CFB: variants seen among roughly 807,000 people sequenced by gnomAD.
CFB encodes B-factor, properdin.
Under a neutral mutation model 97.2 loss-of-function variants are expected in CFB, and 59 were observed. That is an observed-to-expected ratio of 0.61 (90% CI 0.49 to 0.75). The LOEUF is 0.75. Among genes scored for constraint, CFB ranks in the 30% least tolerant of loss-of-function variants. The pLI is 0.00. For synonymous variants in CFB, 316 were observed against 351.7 expected (o/e 0.90, Z 1.14); for missense variants, 771 against 959.8 (o/e 0.80, Z 2.60).
chr6:31,946,940 C>T lies in CFB; in HGVS notation c.299-67C>T, dbSNP rs1771460138. ...TTTCTCAGTGACATGGTCTCCGAGA[C>T]CAGGAGGGATACACCTAAGGCAGCC... On this transcript the variant is annotated intron_variant, in intron 2 of 17. Coordinates refer to ENST00000425368, the MANE Select transcript of CFB (RefSeq NM_001710.6). The surrounding 1 kb of genome is among the most constrained non-coding windows in gnomAD (Gnocchi z 6.4). 7 of 1,537,840 alleles carry T rather than the reference C, an allele frequency of 4.6e-6. 2 individuals are homozygous for T. In the South Asian group the frequency reaches 5.6e-5, roughly 12 times the overall value.
rs762016382 is a variant in CFB, at chr6:31,950,104, C to T, written c.1463C>T (p.Thr488Ile). ...CGMVWEHRKG[T>I]DYHKQPWQAK... ...ATGGTTTGGGAACACAGGAAGGGTA[C>T]CGATTACCACAAGCAACCATGGCAG... The change falls in exon 11 of 18, where the codon ACC (threonine) becomes ATC (isoleucine). Residue 488 changes from threonine (T) to isoleucine (I), a missense_variant. Physicochemically the swap from Thr to Ile is moderately conservative, Grantham distance 89. Transcript: ENST00000425368. 1 of 1,613,036 alleles carries T rather than the reference C, an allele frequency of 6.2e-7. No homozygotes were observed.
chr6:31,949,037 A>T (rs924905290), intron 8 of CFB, 76 bp downstream of exon 8: 6 of 1,601,664 alleles, frequency 3.7e-6, no homozygotes, highest in Non-Finnish European at 5.1e-6. Context: ...TCCACTTGTA[A>T]CACTATACCC....
In CFB at chr6:31,951,552, C is replaced by T. The variant is rs759339248; in HGVS notation, c.2090-3C>T. 1 of 1,614,202 alleles carries T rather than the reference C, an allele frequency of 6.2e-7. No homozygotes were observed. The highest frequency in any genetic ancestry group is 1.1e-5 in the South Asian group (1 of 91,080). ...TTCTCTACAGCTTCTCCTCTCCTTGCAGGTGATTCTGGCGGCCCCTTGATA... is the reference window on the plus strand; with the variant it reads ...TTCTCTACAGCTTCTCCTCTCCTTGTAGGTGATTCTGGCGGCCCCTTGATA... On this transcript the variant is annotated splice_region_variant and splice_polypyrimidine_tract_variant and intron_variant, in intron 16 of 17. Coordinates refer to ENST00000425368, the MANE Select transcript of CFB (RefSeq NM_001710.6). This position sits in a 1 kb window ranked among gnomAD's most constrained non-coding sequence, Gnocchi z 4.3.
chr6:31,951,782 C>T lies in CFB; in HGVS notation c.2140-93C>T. ...GCTGAGCTGGGTCCCTAGTCTGATT[C>T]CTTTAGGTCAGCTAAGACACAAGCA... On this transcript the variant is annotated intron_variant, in intron 17 of 17. Coordinates refer to ENST00000425368, the MANE Select transcript of CFB (RefSeq NM_001710.6). The surrounding 1 kb of genome is among the most constrained non-coding windows in gnomAD (Gnocchi z 4.3). 1 of 1,600,148 alleles carries T rather than the reference C, an allele frequency of 6.2e-7. No individual in the cohort carries two copies. Among genetic ancestry groups the T allele is most frequent in the Non-Finnish European group, 8.6e-7 (1 of 1,168,534 alleles).
intron 7 of CFB, 148 bp from the exon 8 acceptor site, chr6:31,948,682 G>A: frequency 2.0e-6 from 3 of 1,503,882 alleles, no homozygotes; most frequent in Non-Finnish European, 2.7e-6. Flanking sequence ...GGGGCTGGAA[G>A]GGCCACTTTG....
rs548679597 is a variant in CFB at position 31,947,212 on chromosome 6, C to G, written c.484+20C>G. ...ACGGAGGTGAGAAGCATCCCCTCCC[C>G]CTACATTGCTGTCTCCCTGACGGCG... On this transcript the variant is annotated intron_variant, in intron 3 of 17. Transcript: ENST00000425368. The surrounding 1 kb of genome is among the most constrained non-coding windows in gnomAD (Gnocchi z 5.3). 3 of 1,612,524 alleles carry G rather than the reference C, an allele frequency of 1.9e-6. No homozygotes were observed. The highest frequency in any genetic ancestry group is 2.2e-5 in the East Asian group (1 of 44,886).
In CFB at chr6:31,946,430, G is replaced by A. The variant is rs746804320; in HGVS notation, c.122G>A (p.Gly41Glu). 2 of 1,612,970 alleles carry A rather than the reference G, an allele frequency of 1.2e-6. No individual in the cohort carries two copies. Among genetic ancestry groups the A allele is most frequent in the Admixed American group, 3.3e-5 (2 of 59,998 alleles). Residue 41 changes from glycine to glutamate, a missense_variant, in exon 2 of 18, where the codon GGG becomes GAG. Coordinates refer to ENST00000425368, the MANE Select transcript of CFB (RefSeq NM_001710.6). The surrounding 1 kb of genome is among the most constrained non-coding windows in gnomAD (Gnocchi z 6.4). ...CCCCAGGGATCCTGCTCTCTGGAGG[G>A]GGTAGAGATCAAAGGCGGCTCCTTC... Reference protein sequence around the residue: ...ARPQGSCSLEGVEIKGGSFRL... With the variant: ...ARPQGSCSLEEVEIKGGSFRL...
Position 31,948,599 on chromosome 6 carries a change from AG to A in CFB, c.1036+90del, listed in dbSNP as rs551560168. ...GTCATGAGACTACCTTGAGGGCGAC[AG>A]GGAGGACCACTTTGTAGTCAAAAGT... On this transcript the variant is annotated intron_variant, in intron 7 of 17. Coordinates refer to ENST00000425368, the MANE Select transcript of CFB (RefSeq NM_001710.6). 1,261 of 1,587,976 alleles carry A rather than the reference AG, an allele frequency of 7.9e-4. 1 individual carries two copies. The highest frequency in any genetic ancestry group is 5.6e-3 in the Middle Eastern group (33 of 5,922).
At position 31,949,497 on chromosome 6, in the gene CFB, C is replaced by T; in HGVS notation, c.1348C>T (p.Gln450Ter). The change falls in exon 10 of 18, where the codon CAA becomes TAA. Residue 450 changes from glutamine to a stop codon, truncating the protein, a stop_gained. Coordinates refer to ENST00000425368, the MANE Select transcript of CFB (RefSeq NM_001710.6). LOFTEE classifies it high-confidence loss of function. The stretch of plus-strand genomic sequence containing the variant: ...TTTGGCTTCCAAGAAAGACAATGAG[C>T]AACATGTGTTCAAAGTCAAGGATAT... ...NALASKKDNE[Q>*]HVFKVKDMEN... 1.9e-6 allele frequency: 3 copies of T among 1,613,900 alleles called. No individual in the cohort carries two copies. The highest frequency in any genetic ancestry group is 2.5e-6 in the Non-Finnish European group (3 of 1,180,034).
chr6:31,947,455 C>T lies in CFB; in HGVS notation c.592C>T (p.Arg198Cys), dbSNP rs1337987193. 1.2e-6 allele frequency: 2 copies of T among 1,612,998 alleles called. No individual in the cohort carries two copies. Among genetic ancestry groups the T allele is most frequent in the East Asian group, 2.2e-5 (1 of 44,880 alleles). ...CCACTGCAGCCGGGGGCTTACCCTG[C>T]GTGGCTCCCAGCGGCGAACGTGTCA... ...TYHCSRGLTL[R>C]GSQRRTCQEG... Residue 198 changes from arginine to cysteine, a missense_variant, in exon 4 of 18, where the codon CGT (arginine) becomes TGT (cysteine). Physicochemically the swap from Arg to Cys is radical, Grantham distance 180. Coordinates refer to ENST00000425368, the MANE Select transcript of CFB (RefSeq NM_001710.6). The surrounding 1 kb of genome is among the most constrained non-coding windows in gnomAD (Gnocchi z 5.3).
chr6:31,950,237 T>C, intron 11 of CFB, 49 bp from the exon 12 acceptor site: 1 of 1,548,896 alleles, frequency 6.5e-7, no homozygotes. Flanking sequence ...CCATAAGAGA[T>C]GGTGGTTTGT....
chr6:31,951,344 G>A lies in CFB; in HGVS notation c.1960G>A (p.Gly654Ser), dbSNP rs1309456761. 6.2e-7 allele frequency: 1 copy of A among 1,614,138 alleles called. No individual in the cohort carries two copies. The change falls in exon 16 of 18, where the codon GGC becomes AGC. Residue 654 changes from glycine (G) to serine (S), a missense_variant. Transcript: ENST00000425368. This position sits in a 1 kb window ranked among gnomAD's most constrained non-coding sequence, Gnocchi z 4.3. Reference protein sequence around the residue: ...EVYIKNGDKKGSCERDAQYAP... With the variant: ...EVYIKNGDKKSSCERDAQYAP... ...ATGCTTCCCACCTCCCCTACAGAAA[G>A]GCAGCTGTGAGAGAGATGCTCAATA...
chr6:31,949,626 C>G (rs1162660311), intron 10 of CFB, 69 bp downstream of exon 10: 19 of 1,583,310 alleles, frequency 1.2e-5, no homozygotes, highest in Non-Finnish European at 1.6e-5. Context: ...CATTCTTCCT[C>G]TACACCTGAA....
In CFB at chr6:31,947,789, T is replaced by G. The variant is rs757443170; in HGVS notation, c.706T>G (p.Ser236Ala). 6.2e-7 allele frequency: 1 copy of G among 1,613,396 alleles called. No homozygotes were observed. The highest frequency in any genetic ancestry group is 1.1e-5 in the South Asian group (1 of 91,078). ...TCAAGAGGTGGCCGAAGCTTTCCTG[T>G]CTTCCCTGACAGAGACCATAGAAGG... ...TPQEVAEAFLSSLTETIEGVD... is the reference protein window; with the variant it reads ...TPQEVAEAFLASLTETIEGVD... Residue 236 changes from serine (S) to alanine (A), a missense_variant, in exon 5 of 18, where the codon TCT (serine) becomes GCT (alanine). Coordinates refer to ENST00000425368, the MANE Select transcript of CFB (RefSeq NM_001710.6). The surrounding 1 kb of genome is among the most constrained non-coding windows in gnomAD (Gnocchi z 5.3).
At position 31,947,837 on chromosome 6, in the gene CFB, G is replaced by A. The variant is rs4151651; in HGVS notation, c.754G>A (p.Gly252Ser). The change falls in exon 5 of 18, where the codon GGC becomes AGC. Residue 252 changes from glycine to serine, a missense_variant. By Grantham distance (56) the Gly-to-Ser change is moderately conservative (BLOSUM62 0). Transcript: ENST00000425368. The surrounding 1 kb of genome is among the most constrained non-coding windows in gnomAD (Gnocchi z 5.3). ...AGGAGTCGATGCTGAGGATGGGCAC[G>A]GCCCAGGTTTGAAGACAGAGAAGGG... ...IEGVDAEDGH[G>S]PGEQQKRKIV... is the part of the protein sequence containing the mutation. The A allele has an allele frequency of 0.031, 50,591 of 1,613,848 alleles. 962 individuals are homozygous for A. Among genetic ancestry groups the A allele is most frequent in the Non-Finnish European group, 0.038 (44,905 of 1,180,004 alleles).
rs1280092546 is a variant in CFB at position 31,951,875 on chromosome 6, G to C, written c.2140G>C (p.Val714Leu). ...CCATGGCACCCCACTGCCTCTGCAG[G>C]TTGGTGTAATCAGCTGGGGAGTAGT... ...IVHKRSRFIQ[V>L]GVISWGVVDV... is the part of the protein sequence containing the mutation. Residue 714 changes from valine (V) to leucine (L), a missense_variant and splice_region_variant, in exon 18 of 18, where the codon GTT becomes CTT. Val to Leu is a conservative substitution (Grantham distance 32, BLOSUM62 1). Transcript: ENST00000425368. The surrounding 1 kb of genome is among the most constrained non-coding windows in gnomAD (Gnocchi z 4.3). 1 of 1,613,248 alleles carries C rather than the reference G, an allele frequency of 6.2e-7. No homozygotes were observed. Among genetic ancestry groups the C allele is most frequent in the Non-Finnish European group, 8.5e-7 (1 of 1,180,044 alleles).
In CFB at chr6:31,951,888, G is replaced by C. The variant is rs745854895; in HGVS notation, c.2153G>C (p.Ser718Thr). The change falls in exon 18 of 18, where the codon AGC becomes ACC. Residue 718 changes from serine to threonine, a missense_variant. By Grantham distance (58) the Ser-to-Thr change is moderately conservative. Transcript: ENST00000425368. The surrounding 1 kb of genome is among the most constrained non-coding windows in gnomAD (Gnocchi z 4.3). The stretch of plus-strand genomic sequence containing the variant: ...CTGCCTCTGCAGGTTGGTGTAATCA[G>C]CTGGGGAGTAGTGGATGTCTGCAAA... ...RSRFIQVGVI[S>T]WGVVDVCKNQ... The C allele has an allele frequency of 6.8e-6, 11 of 1,613,186 alleles. No individual in the cohort carries two copies. In the South Asian group the frequency reaches 1.2e-4, roughly 18 times the overall value.
At position 31,950,791 on chromosome 6, in the gene CFB, C is replaced by T; in HGVS notation, c.1778+19C>T. On this transcript the variant is annotated intron_variant, in intron 13 of 17. Transcript: ENST00000425368. ...CTATCAGGTGAGAGCGTCCAGATCC[C>T]TGAGGAAAGGCTGGGAAAGGCTGGA... 1.9e-6 allele frequency: 3 copies of T among 1,613,030 alleles called. No individual in the cohort carries two copies. The highest frequency in any genetic ancestry group is 2.5e-6 in the Non-Finnish European group (3 of 1,180,020).
Position 31,946,808 on chromosome 6 carries a change from C to A in CFB, c.299-199C>A. The A allele has an allele frequency of 1.3e-6, 1 of 785,570 alleles. No homozygotes were observed. The highest frequency in any genetic ancestry group is 2.2e-6 in the Non-Finnish European group (1 of 464,438). The allele number at this position is 785,570 out of a possible 1,614,324, so 48.7% of individuals were successfully genotyped here. ...CATTTACCCTGGGCTTCCAGGCAGC[C>A]CTGGAAGTCAAGAGAACACTCAGAA... On this transcript the variant is annotated intron_variant, in intron 2 of 17. Coordinates refer to ENST00000425368, the MANE Select transcript of CFB (RefSeq NM_001710.6). This position sits in a 1 kb window ranked among gnomAD's most constrained non-coding sequence, Gnocchi z 6.4.
Sources: gnomAD v4.1 joint callset for allele counts on GRCh38, gnomAD v4.1.1 for gene constraint, Gnocchi (gnomAD v3.1) non-coding constraint, MANE v1.5 for transcripts, NCBI Gene and HGNC (gene_info 2026-07-23, HGNC 2026-07-21) for gene names.